CSMD1: variants seen among roughly 807,000 people sequenced by gnomAD.
CSMD1 encodes CUB and sushi domain-containing protein 1.
CSMD1 carries 213 observed loss-of-function variants against 417.5 expected under a neutral mutation model. The observed-to-expected ratio is 0.51, with a 90% CI of 0.46 to 0.57. The LOEUF (loss-of-function observed/expected upper bound fraction) is 0.57. CSMD1 is among the 20% of genes least tolerant of loss of function. The probability of loss-of-function intolerance (pLI) is 0.00; values close to 1 mark genes in which losing one functional copy is unlikely to be tolerated. For synonymous variants in CSMD1, 2,862 were observed against 1,736.8 expected (o/e 1.65, Z -16.11); for missense variants, 6,923 against 4,529.7 (o/e 1.53, Z -15.17).
At chr8:4,462,378 A>G (rs1323640755) in intron 2 of CSMD1, among the ~76,000 whole-genome samples, 2 of 152,190 alleles carry the variant, frequency 1.3e-5, no homozygotes, top group African/African-American at 4.8e-5. Context: ...TTTCATGTAC[A>G]TGAATCAGAA....
chr8:3,316,646 A>ATT (rs1354233572), intron 23 of CSMD1, among the ~76,000 whole-genome samples: 1 of 152,192 alleles, frequency 6.6e-6, no homozygotes, highest in Non-Finnish European at 1.5e-5. Flanking sequence ...ACCAATTTAC[A>ATT]GGAACATTTG....
chr8:3,278,809 A>G (rs4875479), intron 26 of CSMD1: 38,650 of 151,940 alleles, frequency 0.25, 5,055 homozygotes, highest in South Asian at 0.31. Context: ...TTTGGTTTGG[A>G]AAGACACCAG....
intron 7 of CSMD1, among the ~76,000 whole-genome samples, chr8:3,641,111 C>G (rs1024777172): frequency 2.3e-5 from 3 of 130,754 alleles, no homozygotes; most frequent in African/African-American, 5.8e-5. Flanking sequence ...GAAAGTTAGA[C>G]TGAAGTTATT....
intron 3 of CSMD1, among the ~76,000 whole-genome samples, chr8:4,390,024 T>C (rs1803736466): frequency 6.6e-6 from 1 of 152,252 alleles, no homozygotes; most frequent in South Asian, 2.1e-4. Context: ...CAATTTGCTT[T>C]TCACAAATTG....
At chr8:3,382,639 CTATA>C (rs1282572562) in intron 18 of CSMD1, among the ~76,000 whole-genome samples, 1 of 144,536 alleles carries the variant, frequency 6.9e-6, no homozygotes, top group African/African-American at 2.5e-5. Flanking sequence ...ATATCTCTCT[CTATA>C]TAGAGATAGA....
intron 3 of CSMD1, among the ~76,000 whole-genome samples, chr8:4,218,643 T>G (rs1364587775): frequency 6.6e-6 from 1 of 152,200 alleles, no homozygotes; most frequent in Admixed American, 6.5e-5. Flanking sequence ...CGACAGTGAT[T>G]TCAGTATTAG....
intron 3 of CSMD1, among the ~76,000 whole-genome samples, chr8:4,122,358 A>G (rs756357210): frequency 6.6e-6 from 1 of 152,210 alleles, no homozygotes; most frequent in Non-Finnish European, 1.5e-5. Context: ...AGGATTTACT[A>G]TATACTCAGT....
chr8:4,085,775 G>C (rs1469756383), intron 3 of CSMD1, among the ~76,000 whole-genome samples: 2 of 152,170 alleles, frequency 1.3e-5, no homozygotes, highest in South Asian at 2.1e-4. Context: ...AGAAGTTAAA[G>C]GAAGTAAATA....
chr8:4,236,536 T>A (rs1427223277), intron 3 of CSMD1, among the ~76,000 whole-genome samples: 1 of 152,212 alleles, frequency 6.6e-6, no homozygotes. Flanking sequence ...CGAGATTTCA[T>A]GTGACTTAGA....
intron 23 of CSMD1, among the ~76,000 whole-genome samples, chr8:3,311,611 G>T (rs529976282): frequency 6.6e-6 from 1 of 152,304 alleles, no homozygotes; most frequent in Non-Finnish European, 1.5e-5. Context: ...ATTGAATACT[G>T]TACAGGAAAT....
chr8:3,572,426 T>C (rs1370825041), intron 10 of CSMD1, among the ~76,000 whole-genome samples: 1 of 152,262 alleles, frequency 6.6e-6, no homozygotes, highest in South Asian at 2.1e-4. Context: ...GCAGGGAGCT[T>C]CCTGGAGAGC....
rs191999884 is a variant in CSMD1, at chr8:4,659,133, G to C, written c.86-21575C>G. On this transcript the variant is annotated intron_variant, in intron 1 of 69. Transcript: ENST00000635120. ...AATGTAAGTACAAAAATGGGTCAAA[G>C]AAGAAATTCCATGAGAAAATAAAAA... Among the ~76,000 whole-genome samples the C allele has an allele frequency of 3.8e-3, 576 of 152,164 alleles. 7 individuals carry two copies. Among genetic ancestry groups the C allele is most frequent in the African/African-American group, 0.014 (564 of 41,538 alleles).
intron 8 of CSMD1, chr8:3,613,221 A>G (rs539401225): frequency 7.7e-5 from 27 of 350,396 alleles, no homozygotes; most frequent in Non-Finnish European, 1.5e-4. Flanking sequence ...AAGTAGAAGT[A>G]GATCATCTAC....
At chr8:4,505,541 T>G (rs1268900159) in intron 2 of CSMD1, among the ~76,000 whole-genome samples, 1 of 152,212 alleles carries the variant, frequency 6.6e-6, no homozygotes, top group Non-Finnish European at 1.5e-5. Flanking sequence ...ATCTTGATAT[T>G]CATATACTAT....
At chr8:3,379,331 T>A (rs1810494743) in intron 18 of CSMD1, among the ~76,000 whole-genome samples, 1 of 152,148 alleles carries the variant, frequency 6.6e-6, no homozygotes, top group Non-Finnish European at 1.5e-5. Context: ...TCCAAAGTAA[T>A]TTATAGATTT....
intron 10 of CSMD1, among the ~76,000 whole-genome samples, chr8:3,496,663 T>TA (rs1352917989): frequency 6.6e-6 from 1 of 152,010 alleles, no homozygotes; most frequent in Non-Finnish European, 1.5e-5. Flanking sequence ...CTGTCTCCAC[T>TA]AAAAATACAA....
At chr8:4,494,577 C>T (rs1801886387) in intron 2 of CSMD1, among the ~76,000 whole-genome samples, 1 of 151,994 alleles carries the variant, frequency 6.6e-6, no homozygotes, top group South Asian at 2.1e-4. Context: ...AAAAATAATG[C>T]AAGTCAATAA....
intron 5 of CSMD1, among the ~76,000 whole-genome samples, chr8:3,857,755 G>A (rs1804414288): frequency 6.6e-6 from 1 of 152,134 alleles, no homozygotes; most frequent in Non-Finnish European, 1.5e-5. Flanking sequence ...AGCTTCTATA[G>A]GTAAAAATGT....
intron 2 of CSMD1, among the ~76,000 whole-genome samples, chr8:4,510,635 CCTTCCTTCCCTCCTCT>C (rs1353021985): frequency 6.9e-6 from 1 of 144,874 alleles, no homozygotes; most frequent in Admixed American, 6.8e-5. Context: ...TTCCCTCTCC[CCTTCCTTCCCTCCTCT>C]CTTCCTTCCG....
Sources: allele counts gnomAD v4.1 joint callset (sites outside exome capture counted in the v4.1 genomes callset), GRCh38; gene constraint gnomAD v4.1.1; transcripts MANE v1.5; gene names NCBI Gene and HGNC (gene_info 2026-07-23, HGNC 2026-07-21).